Variants in CFAP410 observed in about 807,000 individuals in gnomAD.
CFAP410 encodes the protein cilia and flagella associated protein 410, also known as cilia- and flagella-associated protein 410.
CFAP410 carries 27 observed loss-of-function variants against 25.7 expected under a neutral mutation model. That is an observed-to-expected ratio of 1.05 (90% confidence interval 0.77 to 1.45). The LOEUF (loss-of-function observed/expected upper bound fraction) is 1.45. Among genes scored for constraint, CFAP410 ranks in the 40% most tolerant of loss-of-function variants. The probability of loss-of-function intolerance (pLI) is 0.00; values close to 1 mark genes in which losing one functional copy is unlikely to be tolerated. For missense variants in CFAP410, 428 were observed against 354.1 expected (o/e 1.21, Z -1.67); for synonymous variants, 178 against 158.4 (o/e 1.12, Z -0.93).
intron 5 of CFAP410, chr21:44,331,546 C>A: frequency 2.3e-6 from 1 of 425,660 alleles, no homozygotes; most frequent in East Asian, 4.9e-5. Context: ...GCTCCCTGCA[C>A]CTCACGAGCT....
At position 44,333,056 on chromosome 21, in the gene CFAP410, C is replaced by G. The variant is rs9976610; in HGVS notation, c.350G>C (p.Arg117Pro). Residue 117 changes from arginine to proline, a missense_variant, in exon 4 of 7, where the codon CGC becomes CCC. Physicochemically the swap from Arg to Pro is moderately radical, Grantham distance 103. Transcript: ENST00000339818. ...ACCCTGGTTGTCCAGCTTCTGTAGG[C>G]GCGGCAGGGTGCGCAGCACGGTCAT... The part of the protein sequence containing the change: ...YRMTVLRTLP[R>P]LQKLDNQAVT... 3 of 1,598,594 alleles carry G rather than the reference C, an allele frequency of 1.9e-6. No homozygotes were observed. The highest frequency in any genetic ancestry group is 2.7e-5 in the African/African-American group (2 of 74,744).
chr21:44,334,466 G>C, intron 3 of CFAP410: 2 of 176,216 alleles, frequency 1.1e-5, no homozygotes, highest in South Asian at 7.6e-5. Context: ...AGTGAAACGA[G>C]CCCCGCGGCA....
chr21:44,335,928 C>G, intron 2 of CFAP410, 124 bp from the exon 3 acceptor site: 1 of 722,084 alleles, frequency 1.4e-6, no homozygotes, highest in African/African-American at 1.7e-5. Flanking sequence ...GGGGCACGGC[C>G]TTACTCAGCC....
At position 44,333,019 on chromosome 21, in the gene CFAP410, C is replaced by T; in HGVS notation, c.373+14G>A. ...TGTTTTGGGAGGGCCGGTGACTCCG[C>T]TGCGGCCACCTACCCTGGTTGTCCA... is the stretch of plus-strand genomic sequence containing the variant. On this transcript the variant is annotated intron_variant, in intron 4 of 6. Coordinates refer to ENST00000339818, the MANE Select transcript of CFAP410 (RefSeq NM_004928.3). 6.4e-7 allele frequency: 1 copy of T among 1,552,168 alleles called. No homozygotes were observed. The highest frequency in any genetic ancestry group is 8.8e-7 in the Non-Finnish European group (1 of 1,137,944).
At position 44,330,068 on chromosome 21, in the gene CFAP410, G is replaced by C. The variant is rs1359456130; in HGVS notation, c.*130C>G. 36 of 1,098,244 alleles carry C rather than the reference G, an allele frequency of 3.3e-5. No homozygotes were observed. The highest frequency in any genetic ancestry group is 3.0e-4 in the Middle Eastern group (1 of 3,304). The allele number at this position is 1,098,244 out of a possible 1,614,324, so 68.0% of individuals were successfully genotyped here. A position where few individuals can be genotyped will look rare whatever the true frequency, so the allele number is the denominator to read the frequency against. ...CTAACACCCACTCCTGCCCTCGGCC[G>C]ATGTGGCAAACCGGGGAGGCTTTTG... On this transcript the variant is annotated 3_prime_UTR_variant, in exon 7 of 7. Coordinates refer to ENST00000339818, the MANE Select transcript of CFAP410 (RefSeq NM_004928.3).
chr21:44,333,058 C>T lies in CFAP410; in HGVS notation c.348G>A (p.Pro116=), dbSNP rs1468692676. The T allele has an allele frequency of 8.1e-6, 13 of 1,599,106 alleles. No individual in the cohort carries two copies. Among genetic ancestry groups the T allele is most frequent in the Middle Eastern group, 1.7e-4 (1 of 6,036 alleles). ...CCTGGTTGTCCAGCTTCTGTAGGCG[C>T]GGCAGGGTGCGCAGCACGGTCATGC... ...RYRMTVLRTL[P]RLQKLDNQAV... The change falls in exon 4 of 7, where the codon CCG becomes CCA. Residue 116 remains proline (P), a synonymous_variant. Transcript: ENST00000339818.
chr21:44,338,353 C>CT, intron 1 of CFAP410: 1 of 1,282,000 alleles, frequency 7.8e-7, no homozygotes, highest in Non-Finnish European at 1.0e-6. Flanking sequence ...CCAGGGAACC[C>CT]TGGAGATCTT....
intron 1 of CFAP410, among the ~76,000 whole-genome samples, chr21:44,337,896 A>T (rs1169908051): frequency 6.6e-6 from 1 of 152,216 alleles, no homozygotes; most frequent in Non-Finnish European, 1.5e-5. Context: ...TACTTTTTAG[A>T]TAAGGAGCAG....
At chr21:44,331,701 A>G (rs1193428014) in intron 5 of CFAP410, 142 bp downstream of exon 5, 6 of 761,162 alleles carry the variant, frequency 7.9e-6, no homozygotes, top group Non-Finnish European at 1.2e-5. Flanking sequence ...GAGAATATGG[A>G]TGAGAACAGA....
Position 44,339,137 on chromosome 21 carries a change from C to A in CFAP410, c.58G>T (p.Val20Leu), listed in dbSNP as rs1014370765. Reference protein sequence around the residue: ...TRAKASELHSVRKLNCWGSRL... With the variant: ...TRAKASELHSLRKLNCWGSRL... ...CCTCACCAGCAGTTGAGCTTGCGCA[C>A]GCTGTGCAGCTCCGAGGCCTTGGCC... Residue 20 changes from valine (V) to leucine (L), a missense_variant, in exon 1 of 7, where the codon GTG becomes TTG. Transcript: ENST00000339818. 4.1e-6 allele frequency: 6 copies of A among 1,465,132 alleles called. No individual in the cohort carries two copies. Among genetic ancestry groups the A allele is most frequent in the Non-Finnish European group, 5.4e-6 (6 of 1,103,544 alleles). The allele number at this position is 1,465,132 out of a possible 1,614,324, so 90.8% of individuals were successfully genotyped here.
chr21:44,331,846 GCCT>G lies in CFAP410; in HGVS notation c.539_541del (p.Glu180del). The stretch of plus-strand genomic sequence containing the variant: ...CCCCGCTGCCCTCCAGCCTCACGTT[GCCT>G]CCTCCTCGCTGTCCAGCGGGTCCCG... On this transcript the variant is annotated inframe_deletion, in exon 5 of 7. Transcript: ENST00000339818. The G allele has an allele frequency of 6.2e-7, 1 of 1,610,188 alleles. No homozygotes were observed. The highest frequency in any genetic ancestry group is 8.5e-7 in the Non-Finnish European group (1 of 1,179,376).
Position 44,333,137 on chromosome 21 carries a change from C to G in CFAP410, c.269G>C (p.Arg90Pro), listed in dbSNP as rs567435284. Residue 90 changes from arginine (R) to proline (P), a missense_variant, in exon 4 of 7, where the codon CGG (arginine) becomes CCG (proline). Coordinates refer to ENST00000339818, the MANE Select transcript of CFAP410 (RefSeq NM_004928.3). ...LFYLKGLPRL[R>P]VLWLAENPCC... ...CGGGTTCTCGGCCAGCCACAGCACCCGCAGACGCGGCAGCCCCTTCAGGTA... is the reference window on the plus strand; with the variant it reads ...CGGGTTCTCGGCCAGCCACAGCACCGGCAGACGCGGCAGCCCCTTCAGGTA... 4 of 1,612,164 alleles carry G rather than the reference C, an allele frequency of 2.5e-6. No homozygotes were observed. Among genetic ancestry groups the G allele is most frequent in the African/African-American group, 1.3e-5 (1 of 75,056 alleles).
intron 4 of CFAP410, chr21:44,332,713 G>T (rs1185602517): frequency 2.4e-5 from 9 of 382,840 alleles, no homozygotes. Context: ...ATGGCGCATG[G>T]CGATGGTCAG....
intron 5 of CFAP410, chr21:44,331,243 A>G (rs939834714): frequency 3.6e-4 from 158 of 439,538 alleles, no homozygotes; most frequent in African/African-American, 2.6e-3. Flanking sequence ...GCTCCTGACC[A>G]TGGGGTCAGG....
At chr21:44,330,456 G>C in intron 6 of CFAP410, 130 bp from the exon 7 acceptor site, 1 of 1,534,856 alleles carries the variant, frequency 6.5e-7, no homozygotes, top group Non-Finnish European at 8.8e-7. Flanking sequence ...CCGTCCAAGT[G>C]ACTGACCGGC....
chr21:44,330,110 C>T lies in CFAP410; in HGVS notation c.*88G>A, dbSNP rs1469775617. The stretch of plus-strand genomic sequence containing the variant: ...AGGCTTTTGTGTGGGGCCGGGGCTG[C>T]GGCCATGGCAGCCACCCTCCAGCTC... On this transcript the variant is annotated 3_prime_UTR_variant, in exon 7 of 7. Transcript: ENST00000339818. 7.8e-5 allele frequency: 111 copies of T among 1,424,208 alleles called. No individual in the cohort carries two copies. In the South Asian group the frequency reaches 1.0e-3, roughly 13 times the overall value. 88.2% of individuals were successfully genotyped at this position (1,424,208 alleles called of 1,614,324 possible). A position where few individuals can be genotyped will look rare whatever the true frequency, so the allele number is the denominator to read the frequency against.
intron 3 of CFAP410, chr21:44,334,149 G>A (rs1361658015): frequency 4.4e-6 from 2 of 456,284 alleles, no homozygotes; most frequent in Admixed American, 2.3e-5. Flanking sequence ...CCGCGTCCGC[G>A]GCCTCGAGGC....
intron 3 of CFAP410, chr21:44,333,943 C>A (rs1260411038): frequency 2.7e-6 from 1 of 367,328 alleles, no homozygotes; most frequent in Non-Finnish European, 5.5e-6. Context: ...CTCAGAAGGG[C>A]GGTCACCAGG....
At position 44,335,675 on chromosome 21, in the gene CFAP410, A is replaced by G. The variant is rs2047737800; in HGVS notation, c.143+83T>C. 3.8e-6 allele frequency: 4 copies of G among 1,066,534 alleles called. No individual in the cohort carries two copies. The South Asian group carries it at 4.1e-5, about 11-fold the overall frequency. 66.1% of individuals were successfully genotyped at this position (1,066,534 alleles called of 1,614,324 possible). A position where few individuals can be genotyped will look rare whatever the true frequency, so the allele number is the denominator to read the frequency against. Reference sequence around the variant, plus strand: ...GTTGGAGGTTTCCAGGTTATGTCACAGTGCTGGGTCCCACTGGAGGGACGT... The same window carrying G: ...GTTGGAGGTTTCCAGGTTATGTCACGGTGCTGGGTCCCACTGGAGGGACGT... On this transcript the variant is annotated intron_variant, in intron 3 of 6. Coordinates refer to ENST00000339818, the MANE Select transcript of CFAP410 (RefSeq NM_004928.3).
Sources: gnomAD v4.1 joint callset for allele counts (sites outside exome capture counted in the v4.1 genomes callset) on GRCh38, gnomAD v4.1.1 for gene constraint, MANE v1.5 for transcripts, NCBI Gene and HGNC (gene_info 2026-07-23, HGNC 2026-07-21) for gene names.